The following SRPK2 variants were observed in gnomAD, a reference collection of about 807,000 sequenced individuals.
The protein encoded by SRPK2 is SFRS protein kinase 2.
SRPK2 carries 21 observed loss-of-function variants against 90.8 expected under a neutral mutation model. That is an observed-to-expected ratio of 0.23 (90% confidence interval 0.16 to 0.33). The LOEUF (loss-of-function observed/expected upper bound fraction) is 0.33, where lower values mean the gene tolerates loss of function less well. SRPK2 is among the 10% of genes least tolerant of loss of function. The pLI is 1.00. For synonymous variants in SRPK2, 288 were observed against 311.1 expected, an observed-to-expected ratio of 0.93 and a Z score of 0.78; for missense variants, 620 against 869.0, an observed-to-expected ratio of 0.71 and a Z score of 3.60.
At chr7:105,136,283 T>G (rs979274775) in intron 11 of SRPK2, among the ~76,000 whole-genome samples, 8 of 152,208 alleles carry the variant, frequency 5.3e-5, no homozygotes, top group Admixed American at 5.2e-4. Flanking sequence ...CTTTTCTCAG[T>G]ATGATAGTTC....
upstream of SRPK2, among the ~76,000 whole-genome samples, chr7:105,394,145 C>CTTTCTT (rs1554534857): frequency 2.6e-3 from 362 of 139,952 alleles, 6 homozygotes; most frequent in East Asian, 0.053. Flanking sequence ...TTCTTTCTTT[C>CTTTCTT]TTTTTTTTTT....
chr7:105,286,794 C>A (rs146302957), intron 2 of SRPK2, among the ~76,000 whole-genome samples: 2 of 152,292 alleles, frequency 1.3e-5, no homozygotes, highest in African/African-American at 4.8e-5. Flanking sequence ...ATGAAGAATG[C>A]TGGCTATGTA....
intron 2 of SRPK2, among the ~76,000 whole-genome samples, chr7:105,221,226 G>T (rs564539961): frequency 1.3e-5 from 2 of 152,220 alleles, no homozygotes; most frequent in Admixed American, 6.5e-5. Context: ...GCCATTATAC[G>T]CTTGTCTTTA....
chr7:105,180,684 G>C (rs1792661059), intron 3 of SRPK2, among the ~76,000 whole-genome samples: 1 of 152,192 alleles, frequency 6.6e-6, no homozygotes, highest in African/African-American at 2.4e-5. Context: ...CTTTAACCCG[G>C]GAGATGAAGG....
At chr7:105,302,855 C>T (rs12155351) in intron 2 of SRPK2, among the ~76,000 whole-genome samples, 65,890 of 151,618 alleles carry the variant, frequency 0.43, 15,636 homozygotes, top group South Asian at 0.53. Flanking sequence ...GATGCCTTAA[C>T]ATTTAATTTC....
At position 105,348,512 on chromosome 7, in the gene SRPK2, C is replaced by T. The variant is rs189880952; in HGVS notation, c.71+40136G>A. ...TGATCACGGCTCACTGCAACCTCCA[C>T]CTCATGGTTCAAGCGATTCTCCCGC... On this transcript the variant is annotated intron_variant, in intron 2 of 15. Transcript: ENST00000393651. Among the ~76,000 whole-genome samples the T allele has an allele frequency of 3.1e-3, 469 of 151,358 alleles. 1 individual carries two copies. Among genetic ancestry groups the T allele is most frequent in the African/African-American group, 0.011 (451 of 41,230 alleles).
At chr7:105,387,324 C>T (rs1335520197) in intron 2 of SRPK2, among the ~76,000 whole-genome samples, 1 of 152,122 alleles carries the variant, frequency 6.6e-6, no homozygotes, top group East Asian at 1.9e-4. Flanking sequence ...CATGGTTCAC[C>T]AAAGGAAATC....
intron 2 of SRPK2, among the ~76,000 whole-genome samples, chr7:105,227,893 CAAAAAAAAA>C (rs566478716): frequency 4.1e-4 from 35 of 84,690 alleles, no homozygotes; most frequent in African/African-American, 1.3e-3. Flanking sequence ...TATCATTCAG[CAAAAAAAAA>C]AAAAAAAAAA....
intron 2 of SRPK2, among the ~76,000 whole-genome samples, chr7:105,234,947 G>A (rs1261162587): frequency 6.6e-6 from 1 of 152,242 alleles, no homozygotes; most frequent in Non-Finnish European, 1.5e-5. Flanking sequence ...AGCCCAGGAC[G>A]GCTTTGAATG....
At chr7:105,282,166 C>CAGGGT (rs1403240658) in intron 2 of SRPK2, among the ~76,000 whole-genome samples, 64 of 152,268 alleles carry the variant, frequency 4.2e-4, no homozygotes, top group Non-Finnish European at 7.5e-4. Flanking sequence ...GAAATAAACC[C>CAGGGT]TCACATTACA....
At chr7:105,139,708 A>C (rs937638524) in intron 11 of SRPK2, among the ~76,000 whole-genome samples, 3 of 152,186 alleles carry the variant, frequency 2.0e-5, no homozygotes, top group Non-Finnish European at 4.4e-5. Context: ...AAATTTTTCA[A>C]TATATTATTA....
rs532082758 is a variant in SRPK2 at position 105,248,802 on chromosome 7, G to A, written c.72-45017C>T. On this transcript the variant is annotated intron_variant, in intron 2 of 15. Coordinates refer to ENST00000393651, the MANE Select transcript of SRPK2 (RefSeq NM_182692.3). ...TAAAAAATACAAAAAAAAATTAGCC[G>A]GGTGTGGTGTTGGGCGCCTGGGCTG... is the stretch of plus-strand genomic sequence containing the variant. Among the ~76,000 whole-genome samples, 20 of 151,848 alleles carry A rather than the reference G, an allele frequency of 1.3e-4. No individual in the cohort carries two copies. In the East Asian group the frequency reaches 3.7e-3, roughly 28 times the overall value.
chr7:105,180,397 C>T (rs1000918505), intron 3 of SRPK2, among the ~76,000 whole-genome samples: 1 of 152,158 alleles, frequency 6.6e-6, no homozygotes, highest in Non-Finnish European at 1.5e-5. Context: ...AACCGCACCC[C>T]TTCCTTACAC....
At chr7:105,140,001 A>G (rs1459978921) in intron 11 of SRPK2, among the ~76,000 whole-genome samples, 1 of 152,194 alleles carries the variant, frequency 6.6e-6, no homozygotes, top group Non-Finnish European at 1.5e-5. Context: ...GTGTTTGCAT[A>G]TAACCTACAT....
At chr7:105,147,821 G>A (rs757094896) in intron 7 of SRPK2, among the ~76,000 whole-genome samples, 36 of 152,054 alleles carry the variant, frequency 2.4e-4, no homozygotes, top group Non-Finnish European at 5.3e-4. Flanking sequence ...TTTGACTCTT[G>A]TGCAGCATGT....
At chr7:105,342,509 A>G (rs1171741457) in intron 2 of SRPK2, among the ~76,000 whole-genome samples, 1 of 152,118 alleles carries the variant, frequency 6.6e-6, no homozygotes, top group East Asian at 1.9e-4. Context: ...CCTCAAAAAG[A>G]GTTGCCTAGG....
At chr7:105,218,032 G>C (rs1208266816) in intron 2 of SRPK2, among the ~76,000 whole-genome samples, 4 of 152,158 alleles carry the variant, frequency 2.6e-5, no homozygotes, top group Non-Finnish European at 5.9e-5. Flanking sequence ...CGAAGAAAAA[G>C]GTGTCAATAG....
chr7:105,238,892 T>C (rs527709658), intron 2 of SRPK2, among the ~76,000 whole-genome samples: 38 of 152,022 alleles, frequency 2.5e-4, no homozygotes, highest in Non-Finnish European at 4.0e-4. Context: ...TCTTCTAAGC[T>C]TTCTTCCAAA....
At chr7:105,191,583 G>A (rs1057142893) in intron 3 of SRPK2, among the ~76,000 whole-genome samples, 15 of 152,250 alleles carry the variant, frequency 9.9e-5, no homozygotes, top group African/African-American at 3.4e-4. Flanking sequence ...AAGAAAAGCA[G>A]TTTCATAATT....
Sources: allele counts gnomAD v4.1 joint callset (sites outside exome capture counted in the v4.1 genomes callset), GRCh38; gene constraint gnomAD v4.1.1; transcripts MANE v1.5; gene names NCBI Gene and HGNC (gene_info 2026-07-23, HGNC 2026-07-21).